Variants in KCNIP1 observed in about 807,000 individuals in gnomAD.
KCNIP1 encodes the protein A-type potassium channel modulatory protein KCNIP1.
A neutral mutation model predicts 33.0 loss-of-function variants in KCNIP1; 18 were observed. The observed-to-expected ratio is 0.55, with a 90% CI of 0.38 to 0.81. KCNIP1 has a LOEUF of 0.81. KCNIP1 is among the 30% of genes least tolerant of loss of function. The probability of loss-of-function intolerance (pLI) is 0.00; values close to 1 mark genes in which losing one functional copy is unlikely to be tolerated. For missense variants in KCNIP1, 238 were observed against 271.6 expected (o/e 0.88, Z 0.87); for synonymous variants, 93 against 98.3 (o/e 0.95, Z 0.32).
chr5:170,543,168 A>G lies in KCNIP1; in HGVS notation c.61+38535A>G, dbSNP rs138854447. On this transcript the variant is annotated intron_variant, in intron 1 of 7. Transcript: ENST00000328939. Reference sequence around the variant, plus strand: ...CTCAACACCACTGCAATGAGTATTAAGTTTCAACATATGAATACTGGGGGA... The same window carrying G: ...CTCAACACCACTGCAATGAGTATTAGGTTTCAACATATGAATACTGGGGGA... Among the ~76,000 whole-genome samples the G allele has an allele frequency of 7.2e-5, 11 of 152,356 alleles. 1 individual carries two copies. The highest frequency in any genetic ancestry group is 2.4e-4 in the African/African-American group (10 of 41,586).
At chr5:170,519,224 A>G (rs780350172) in intron 1 of KCNIP1, among the ~76,000 whole-genome samples, 1 of 152,208 alleles carries the variant, frequency 6.6e-6, no homozygotes, top group Non-Finnish European at 1.5e-5. Flanking sequence ...CAATAATGAT[A>G]GACTAGAGAC....
Position 170,726,378 on chromosome 5 carries a change from G to T in KCNIP1, c.435+3558G>T, listed in dbSNP as rs1048675555. ...TGAATGGCCAGTAAACCCATGAAAGGTTGCTCTATATCACTGGTCTTCAAA... is the reference window on the plus strand; with the variant it reads ...TGAATGGCCAGTAAACCCATGAAAGTTTGCTCTATATCACTGGTCTTCAAA... On this transcript the variant is annotated intron_variant, in intron 5 of 7. Transcript: ENST00000328939. 3.9e-5 allele frequency among the ~76,000 whole-genome samples: 6 copies of T among 152,126 alleles called. No individual in the cohort carries two copies. The East Asian group carries it at 1.2e-3, about 29-fold the overall frequency.
At chr5:170,480,511 C>G (rs938543095) in intron 1 of KCNIP1, among the ~76,000 whole-genome samples, 1 of 147,070 alleles carries the variant, frequency 6.8e-6, no homozygotes, top group Non-Finnish European at 1.5e-5. Flanking sequence ...AAGTCTCGCT[C>G]TATCACCCAG....
chr5:170,686,042 C>T (rs1056457086), intron 1 of KCNIP1, among the ~76,000 whole-genome samples: 1 of 152,158 alleles, frequency 6.6e-6, no homozygotes, highest in African/African-American at 2.4e-5. Context: ...GTACTTGTTG[C>T]TGGCCTGTAC....
intron 1 of KCNIP1, among the ~76,000 whole-genome samples, chr5:170,403,383 G>A (rs562351871): frequency 2.6e-5 from 4 of 152,322 alleles, no homozygotes; most frequent in Admixed American, 6.5e-5. Flanking sequence ...TCTTTTATGT[G>A]TTTATGGAAA....
chr5:170,605,860 T>A (rs1229712355), intron 1 of KCNIP1, among the ~76,000 whole-genome samples: 1 of 149,708 alleles, frequency 6.7e-6, no homozygotes, highest in Non-Finnish European at 1.5e-5. Context: ...CTGTAACCTC[T>A]GCCCCCTGGG....
At chr5:170,523,506 C>G (rs913434738) in intron 1 of KCNIP1, among the ~76,000 whole-genome samples, 8 of 152,184 alleles carry the variant, frequency 5.3e-5, no homozygotes, top group Non-Finnish European at 1.2e-4. Flanking sequence ...GTAATCATTC[C>G]TCCTCCTAAG....
At chr5:170,623,321 C>T (rs531962025) in intron 1 of KCNIP1, among the ~76,000 whole-genome samples, 9 of 152,196 alleles carry the variant, frequency 5.9e-5, no homozygotes, top group African/African-American at 2.2e-4. Context: ...AAGCCATTCT[C>T]CTCCCTCAGC....
chr5:170,474,040 G>A (rs1296288966), intron 1 of KCNIP1, among the ~76,000 whole-genome samples: 1 of 152,150 alleles, frequency 6.6e-6, no homozygotes, highest in African/African-American at 2.4e-5. Flanking sequence ...AATCTACTTT[G>A]GCATTTTTCA....
intron 1 of KCNIP1, among the ~76,000 whole-genome samples, chr5:170,432,673 C>T (rs1450570808): frequency 6.6e-6 from 1 of 152,140 alleles, no homozygotes; most frequent in Non-Finnish European, 1.5e-5. Context: ...ATGTGTTATC[C>T]CAAGAGACTC....
At chr5:170,516,527 A>T (rs1223998464) in intron 1 of KCNIP1, among the ~76,000 whole-genome samples, 1 of 152,210 alleles carries the variant, frequency 6.6e-6, no homozygotes, top group Non-Finnish European at 1.5e-5. Context: ...ATTAGAATTC[A>T]TGCGGCAGAG....
intron 5 of KCNIP1, among the ~76,000 whole-genome samples, chr5:170,727,611 A>G (rs1764055537): frequency 6.6e-6 from 1 of 152,228 alleles, no homozygotes; most frequent in Non-Finnish European, 1.5e-5. Flanking sequence ...CATCCAAAAT[A>G]TAGATTACAA....
chr5:170,720,081 C>T (rs1763766357), intron 2 of KCNIP1, among the ~76,000 whole-genome samples: 1 of 152,150 alleles, frequency 6.6e-6, no homozygotes, highest in Non-Finnish European at 1.5e-5. Flanking sequence ...GGATTTAAAC[C>T]CAGGTTTTTC....
At chr5:170,685,663 A>G (rs575357611) in intron 1 of KCNIP1, among the ~76,000 whole-genome samples, 1 of 151,760 alleles carries the variant, frequency 6.6e-6, no homozygotes, top group Admixed American at 6.6e-5. Context: ...TAATTTTTGT[A>G]TTTTTAGTTG....
At chr5:170,506,955 G>A (rs982008865) in intron 1 of KCNIP1, among the ~76,000 whole-genome samples, 4 of 152,222 alleles carry the variant, frequency 2.6e-5, no homozygotes, top group African/African-American at 7.2e-5. Context: ...GAAACCTGGA[G>A]GAAGCCCTGG....
chr5:170,711,616 C>A (rs1763445745), intron 1 of KCNIP1, among the ~76,000 whole-genome samples: 1 of 152,074 alleles, frequency 6.6e-6, no homozygotes, highest in Non-Finnish European at 1.5e-5. Flanking sequence ...ATATACCACA[C>A]CAGTGCAAGA....
chr5:170,488,721 A>T (rs1394979601), intron 1 of KCNIP1, among the ~76,000 whole-genome samples: 2 of 152,186 alleles, frequency 1.3e-5, no homozygotes, highest in African/African-American at 4.8e-5. Context: ...AGGCCGCATG[A>T]CATGAGCGAA....
Position 170,429,908 on chromosome 5 carries a change from T to C in KCNIP1, c.88+75944T>C, listed in dbSNP as rs1479582269. On this transcript the variant is annotated intron_variant, in intron 1 of 7. Coordinates refer to the KCNIP1 transcript ENST00000377360. Reference sequence around the variant, plus strand: ...CAGGAAATATGATCATGTCTAATGCTGGACATGAAGCAGATGCAATACACA... The same window carrying C: ...CAGGAAATATGATCATGTCTAATGCCGGACATGAAGCAGATGCAATACACA... Among the ~76,000 whole-genome samples, 11 of 152,326 alleles carry C rather than the reference T, an allele frequency of 7.2e-5. No homozygotes were observed. In the Middle Eastern group the frequency reaches 0.01, roughly 141 times the overall value.
At chr5:170,461,910 C>T (rs1480556422) in intron 1 of KCNIP1, among the ~76,000 whole-genome samples, 1 of 152,096 alleles carries the variant, frequency 6.6e-6, no homozygotes, top group Non-Finnish European at 1.5e-5. Flanking sequence ...TGGCAAGCCA[C>T]ATGTAGGAGA....
Sources: allele counts gnomAD v4.1 joint callset (sites outside exome capture counted in the v4.1 genomes callset), GRCh38; gene constraint gnomAD v4.1.1; transcripts MANE v1.5; gene names NCBI Gene and HGNC (gene_info 2026-07-23, HGNC 2026-07-21).